NLRP14: variants seen among roughly 807,000 people sequenced by gnomAD.
The protein encoded by NLRP14 is NACHT, LRR and PYD domains-containing protein 14.
A neutral mutation model predicts 94.7 loss-of-function variants in NLRP14; 105 were observed. That is an observed-to-expected ratio of 1.11 (90% CI 0.95 to 1.30). NLRP14 has a LOEUF of 1.30. Among genes scored for constraint, NLRP14 ranks in the 50% most tolerant of loss-of-function variants. The pLI, the probability that NLRP14 is intolerant of heterozygous loss-of-function variation, is 0.00. For synonymous variants in NLRP14, 508 were observed against 459.9 expected (o/e 1.10, Z -1.34); for missense variants, 1,362 against 1,254.1 (o/e 1.09, Z -1.30).
In NLRP14 at chr11:7,043,440, T is replaced by A; in HGVS notation, c.1414T>A (p.Tyr472Asn). Reference sequence around the variant, plus strand: ...CAATATTATTCAGAAGGACGCAGAGTATGAAAACTGCTATGTGTTCACCCA... The same window carrying A: ...CAATATTATTCAGAAGGACGCAGAGAATGAAAACTGCTATGTGTTCACCCA... The part of the protein sequence containing the change: ...DSNIIQKDAE[Y>N]ENCYVFTHLH... The change falls in exon 4 of 12, where the codon TAT becomes AAT. Residue 472 changes from tyrosine to asparagine, a missense_variant. Transcript: ENST00000299481. 6.2e-7 allele frequency: 1 copy of A among 1,614,180 alleles called. No individual in the cohort carries two copies. The highest frequency in any genetic ancestry group is 8.5e-7 in the Non-Finnish European group (1 of 1,180,024).
intron 10 of NLRP14, 75 bp downstream of exon 10, chr11:7,062,578 G>T: frequency 3.7e-6 from 5 of 1,339,248 alleles, no homozygotes; most frequent in Non-Finnish European, 5.4e-6. Flanking sequence ...TTTAGTGTAT[G>T]GAGAGAGGAT....
At chr11:7,081,272 C>T in the NLRP14 span, among the ~76,000 whole-genome samples, 11 of 151,664 alleles carry the variant, frequency 7.3e-5, no homozygotes, top group Admixed American at 2.6e-4. Context: ...ATAGGAGAAA[C>T]GGTTAATGAA....
chr11:7,067,391 G>C (rs1467631432), intron 10 of NLRP14, among the ~76,000 whole-genome samples: 1 of 152,134 alleles, frequency 6.6e-6, no homozygotes, highest in Non-Finnish European at 1.5e-5. Context: ...GCAGTGGTTT[G>C]TAGTTCTCCT....
At chr11:7,021,078 AT>A (rs1489828808) in intron 1 of NLRP14, among the ~76,000 whole-genome samples, 1 of 152,170 alleles carries the variant, frequency 6.6e-6, no homozygotes, top group Admixed American at 6.5e-5. Flanking sequence ...ATATTCAAAC[AT>A]TTTATTAGGC....
At chr11:7,060,752 C>A (rs1852605373) in intron 9 of NLRP14, among the ~76,000 whole-genome samples, 1 of 151,988 alleles carries the variant, frequency 6.6e-6, no homozygotes, top group East Asian at 1.9e-4. Flanking sequence ...CATACATATC[C>A]ATTGCATGTG....
At chr11:7,054,418 G>T (rs1455887915) in intron 6 of NLRP14, among the ~76,000 whole-genome samples, 2 of 152,044 alleles carry the variant, frequency 1.3e-5, no homozygotes, top group Non-Finnish European at 2.9e-5. Flanking sequence ...AATTTACACT[G>T]CTACTAACAG....
intron 6 of NLRP14, among the ~76,000 whole-genome samples, chr11:7,055,689 C>T (rs1009756400): frequency 1.3e-5 from 2 of 152,046 alleles, no homozygotes; most frequent in Admixed American, 1.3e-4. Flanking sequence ...CTACCCTGAC[C>T]AACTCTCAAA....
the NLRP14 span, chr11:7,090,110 T>C: frequency 3.1e-6 from 5 of 1,612,358 alleles, no homozygotes; most frequent in South Asian, 2.2e-5. Context: ...GCAGCAGTTA[T>C]GGCCGGAGCG....
At position 7,071,047 on chromosome 11, in the gene NLRP14, T is replaced by G. The variant is rs898309403; in HGVS notation, c.3147-126T>G. 8.6e-6 allele frequency: 9 copies of G among 1,044,136 alleles called. No homozygotes were observed. In the African/African-American group the frequency reaches 1.1e-4, roughly 13 times the overall value. The allele number at this position is 1,044,136 out of a possible 1,614,324, so 64.7% of individuals were successfully genotyped here. A position where few individuals can be genotyped will look rare whatever the true frequency, so the allele number is the denominator to read the frequency against. The stretch of plus-strand genomic sequence containing the variant: ...TTCGCTTCCCCACTCCTCACCCATG[T>G]TATAATATTATCTCTCTATTTTAAC... On this transcript the variant is annotated intron_variant, in intron 11 of 11. Transcript: ENST00000299481.
rs777175113 is a variant in NLRP14, at chr11:7,039,749, G to A, written c.325G>A (p.Ala109Thr). ...AQTIGPDDAK[A>T]GETQEDQEAV... is the part of the protein sequence containing the mutation. ...GACTATAGGACCAGATGATGCCAAG[G>A]CTGGAGAGACACAAGAAGATCAGGA... Residue 109 changes from alanine to threonine, a missense_variant, in exon 3 of 12, where the codon GCT (alanine) becomes ACT (threonine). Transcript: ENST00000299481. 6.2e-7 allele frequency: 1 copy of A among 1,613,974 alleles called. No homozygotes were observed. Among genetic ancestry groups the A allele is most frequent in the Admixed American group, 1.7e-5 (1 of 60,000 alleles).
chr11:7,067,203 A>G (rs1852718164), intron 10 of NLRP14, among the ~76,000 whole-genome samples: 1 of 152,194 alleles, frequency 6.6e-6, no homozygotes, highest in South Asian at 2.1e-4. Flanking sequence ...TTGGTTCCAC[A>G]TGAAATTTAA....
chr11:7,029,962 G>A (rs1198236727), intron 1 of NLRP14, among the ~76,000 whole-genome samples: 4 of 152,254 alleles, frequency 2.6e-5, no homozygotes, highest in South Asian at 2.1e-4. Context: ...TAATGCCAAC[G>A]AATACTGGCT....
At chr11:7,041,436 A>G (rs917868613) in intron 3 of NLRP14, among the ~76,000 whole-genome samples, 3 of 152,136 alleles carry the variant, frequency 2.0e-5, no homozygotes, top group Admixed American at 6.5e-5. Flanking sequence ...TCTTTTTTCC[A>G]GGAGAGGATC....
At chr11:7,058,795 C>T (rs747603710) in intron 8 of NLRP14, among the ~76,000 whole-genome samples, 1 of 151,962 alleles carries the variant, frequency 6.6e-6, no homozygotes, top group South Asian at 2.1e-4. Flanking sequence ...AGCCTACCAC[C>T]TATCCTAGTC....
In NLRP14 at chr11:7,058,439, G is replaced by T. The variant is rs1420820721; in HGVS notation, c.2622G>T (p.Leu874=). 1.9e-6 allele frequency: 3 copies of T among 1,610,958 alleles called. No homozygotes were observed. The African/African-American group carries it at 4.0e-5, about 22-fold the overall frequency. Residue 874 remains leucine, a synonymous_variant, in exon 8 of 12, where the codon CTG becomes CTT. Coordinates refer to ENST00000299481, the MANE Select transcript of NLRP14 (RefSeq NM_176822.4). Reference sequence around the variant, plus strand: ...CCCTGCAACATGCACAATGTACTCTGAAGAGCCTTGTGTAAGTGTCTTCAA... The same window carrying T: ...CCCTGCAACATGCACAATGTACTCTTAAGAGCCTTGTGTAAGTGTCTTCAA... ...SDALQHAQCT[L]KSLVLRRCHF... is the part of the protein sequence containing the mutation.
chr11:7,066,818 G>A (rs553134815), intron 10 of NLRP14, among the ~76,000 whole-genome samples: 8 of 152,252 alleles, frequency 5.3e-5, no homozygotes, highest in African/African-American at 1.9e-4. Context: ...GGTTTTGATG[G>A]TTTTAGGTCT....
chr11:7,060,297 G>A (rs1052998108), intron 9 of NLRP14, among the ~76,000 whole-genome samples: 4 of 151,950 alleles, frequency 2.6e-5, no homozygotes, highest in Non-Finnish European at 4.4e-5. Context: ...GAGGCATCAG[G>A]CTGAACAGTG....
chr11:7,066,225 G>T (rs1852705561), intron 10 of NLRP14, among the ~76,000 whole-genome samples: 1 of 152,190 alleles, frequency 6.6e-6, no homozygotes, highest in Non-Finnish European at 1.5e-5. Flanking sequence ...TGTATACCCA[G>T]TAATGTGATT....
At position 7,046,853 on chromosome 11, in the gene NLRP14, T is replaced by C. The variant is rs199906220; in HGVS notation, c.2123+21T>C. 2.5e-4 allele frequency: 393 copies of C among 1,579,062 alleles called. No homozygotes were observed. The African/African-American group carries it at 4.8e-3, about 19-fold the overall frequency. On this transcript the variant is annotated intron_variant, in intron 5 of 11. Transcript: ENST00000299481. ...CTACTGTAAGTCTGGTATGAGAAAA[T>C]TTAATGGAGTTATTCTAATTTCTTT...
Sources: gnomAD v4.1 joint callset for allele counts (sites outside exome capture counted in the v4.1 genomes callset) on GRCh38, gnomAD v4.1.1 for gene constraint, MANE v1.5 for transcripts, NCBI Gene and HGNC (gene_info 2026-07-23, HGNC 2026-07-21) for gene names.